Variants in ADCY9 observed in about 807,000 individuals in gnomAD.
ADCY9 encodes adenylate cyclase type 9.
In ADCY9, 50 loss-of-function variants were observed where a neutral mutation model predicts 101.5. That is an observed-to-expected ratio of 0.49 (90% confidence interval 0.39 to 0.62). The LOEUF is 0.62. ADCY9 is among the 20% of genes least tolerant of loss of function. The probability of loss-of-function intolerance (pLI) is 0.00; values close to 1 mark genes in which losing one functional copy is unlikely to be tolerated. For synonymous variants in ADCY9, 905 were observed against 769.3 expected (o/e 1.18, Z -2.92); for missense variants, 1,662 against 1,800.4 (o/e 0.92, Z 1.39).
intron 2 of ADCY9, among the ~76,000 whole-genome samples, chr16:4,047,884 T>A (rs542557259): frequency 1.3e-5 from 2 of 152,266 alleles, no homozygotes; most frequent in South Asian, 4.1e-4. Context: ...CTCATTGCAG[T>A]CCCTAACTTG....
chr16:4,047,685 C>T (rs530809206), intron 2 of ADCY9, among the ~76,000 whole-genome samples: 203 of 152,274 alleles, frequency 1.3e-3, no homozygotes, highest in African/African-American at 4.6e-3. Context: ...CAATCAGGTC[C>T]TTTGGTTGAA....
chr16:4,100,965 G>T (rs1422064395), intron 2 of ADCY9, among the ~76,000 whole-genome samples: 1 of 152,134 alleles, frequency 6.6e-6, no homozygotes, highest in African/African-American at 2.4e-5. Flanking sequence ...TGCTGCCACT[G>T]CTAAGAAAAT....
chr16:4,036,462 G>GTTTTTTTTTT (rs59816813), intron 2 of ADCY9, among the ~76,000 whole-genome samples: 29 of 103,674 alleles, frequency 2.8e-4, no homozygotes, highest in Non-Finnish European at 3.4e-4. Flanking sequence ...GGGTTTGTTT[G>GTTTTTTTTTT]TTTTTTTTTT....
At chr16:4,106,088 C>T (rs1313029426) in intron 2 of ADCY9, among the ~76,000 whole-genome samples, 1 of 152,210 alleles carries the variant, frequency 6.6e-6, no homozygotes, top group African/African-American at 2.4e-5. Context: ...AGCCTTCCCA[C>T]TTAACTCCGC....
Position 4,115,570 on chromosome 16 carries a change from G to A in ADCY9, c.-43-85C>T. Reference sequence around the variant, plus strand: ...CCGGGACCTGCTCCTGTCCTAAGGGGCGGCTCCAGCACGCGACCTGGACAG... The same window carrying A: ...CCGGGACCTGCTCCTGTCCTAAGGGACGGCTCCAGCACGCGACCTGGACAG... On this transcript the variant is annotated intron_variant, in intron 1 of 10. Transcript: ENST00000294016. This position sits in a 1 kb window ranked among gnomAD's most constrained non-coding sequence, Gnocchi z 6.2. 1.7e-6 allele frequency: 2 copies of A among 1,200,130 alleles called. No individual in the cohort carries two copies. The highest frequency in any genetic ancestry group is 2.3e-6 in the Non-Finnish European group (2 of 885,922). 74.3% of individuals were successfully genotyped at this position (1,200,130 alleles called of 1,614,324 possible). A position where few individuals can be genotyped will look rare whatever the true frequency, so the allele number is the denominator to read the frequency against.
At chr16:4,113,682 C>CTTTTTTTT in intron 2 of ADCY9, 68 bp downstream of exon 2, 4 of 1,349,088 alleles carry the variant, frequency 3.0e-6, no homozygotes, top group Admixed American at 2.4e-5. Context: ...AGGCTGGAAG[C>CTTTTTTTT]TTTTTTTTTT....
At chr16:4,036,048 C>T (rs541444902) in intron 2 of ADCY9, among the ~76,000 whole-genome samples, 2 of 149,666 alleles carry the variant, frequency 1.3e-5, no homozygotes, top group Non-Finnish European at 3.0e-5. Context: ...CCCCAGCCCC[C>T]CTCCCTTCAC....
At chr16:3,987,143 G>T (rs998018060) in intron 6 of ADCY9, among the ~76,000 whole-genome samples, 1 of 152,220 alleles carries the variant, frequency 6.6e-6, no homozygotes, top group African/African-American at 2.4e-5. Flanking sequence ...CACTGAGGCA[G>T]GCTCAGGAGT....
intron 2 of ADCY9, among the ~76,000 whole-genome samples, chr16:4,049,382 C>A (rs989419505): frequency 6.6e-6 from 1 of 152,132 alleles, no homozygotes; most frequent in Non-Finnish European, 1.5e-5. Flanking sequence ...CACAGGCACC[C>A]ACCACCGACA....
At chr16:4,066,348 T>C (rs1418642130) in intron 2 of ADCY9, among the ~76,000 whole-genome samples, 3 of 152,220 alleles carry the variant, frequency 2.0e-5, no homozygotes, top group Non-Finnish European at 4.4e-5. Flanking sequence ...ATATTTACTT[T>C]TCTCTCTCCT....
chr16:4,018,718 T>C (rs2056454848), intron 2 of ADCY9, among the ~76,000 whole-genome samples: 1 of 151,958 alleles, frequency 6.6e-6, no homozygotes. Flanking sequence ...TTTTGAAGAG[T>C]ATTTTGCACA....
chr16:4,001,477 C>G (rs2056330235), intron 3 of ADCY9, among the ~76,000 whole-genome samples: 1 of 152,190 alleles, frequency 6.6e-6, no homozygotes, highest in South Asian at 2.1e-4. Context: ...AGCAGGGAGG[C>G]TCACCTGGAT....
intron 2 of ADCY9, among the ~76,000 whole-genome samples, chr16:4,017,857 A>G (rs1010660156): frequency 3.3e-5 from 5 of 152,182 alleles, no homozygotes; most frequent in African/African-American, 1.2e-4. Flanking sequence ...TTGTAGTCCA[A>G]CCTAAAAACG....
At chr16:4,105,434 G>A (rs1215048321) in intron 2 of ADCY9, among the ~76,000 whole-genome samples, 2 of 151,840 alleles carry the variant, frequency 1.3e-5, no homozygotes, top group East Asian at 3.9e-4. Flanking sequence ...CACTTTGAGA[G>A]GCTGAGGCGG....
In ADCY9 at chr16:3,966,920, G is replaced by A. The variant is rs200825289; in HGVS notation, c.2917C>T (p.Arg973Trp). 3 of 1,613,838 alleles carry A rather than the reference G, an allele frequency of 1.9e-6. No individual in the cohort carries two copies. Among genetic ancestry groups the A allele is most frequent in the East Asian group, 4.5e-5 (2 of 44,888 alleles). ...TCCTGGCCGATGAGGCTGGCGGGCC[G>A]CCGGAGGTCACGCGGCACCGAACTA... Reference protein sequence around the residue: ...CNSSVPRDLRRPASLIGQEVV... With the variant: ...CNSSVPRDLRWPASLIGQEVV... The change falls in exon 11 of 11, where the codon CGG (arginine) becomes TGG (tryptophan). Residue 973 changes from arginine to tryptophan, a missense_variant. Arg to Trp is a moderately radical substitution (Grantham distance 101, BLOSUM62 -3). This residue lies in a region of ADCY9 where 624 missense variants were observed against 639.1 expected (regional missense o/e 0.98). Transcript: ENST00000294016.
At chr16:4,074,120 A>C (rs1010066627) in intron 2 of ADCY9, among the ~76,000 whole-genome samples, 1 of 152,098 alleles carries the variant, frequency 6.6e-6, no homozygotes, top group Admixed American at 6.6e-5. Context: ...TTGCTCTAAA[A>C]GGTAATTTTC....
intron 5 of ADCY9, among the ~76,000 whole-genome samples, chr16:3,990,930 G>T (rs535323046): frequency 6.6e-6 from 1 of 152,332 alleles, no homozygotes; most frequent in South Asian, 2.1e-4. Context: ...CTCCTGAGTA[G>T]CTGGGATGAC....
chr16:4,100,922 A>C (rs955671028), intron 2 of ADCY9, among the ~76,000 whole-genome samples: 1 of 152,324 alleles, frequency 6.6e-6, no homozygotes, highest in Non-Finnish European at 1.5e-5. Context: ...GTAAATGCAG[A>C]GAGCTAAAGA....
intron 6 of ADCY9, among the ~76,000 whole-genome samples, chr16:3,984,370 G>T (rs1321963674): frequency 6.6e-6 from 1 of 152,300 alleles, no homozygotes; most frequent in South Asian, 2.1e-4. Flanking sequence ...TGTGCTGGGG[G>T]CCAGTACACT....
Sources: allele counts gnomAD v4.1 joint callset (sites outside exome capture counted in the v4.1 genomes callset), GRCh38; gene constraint gnomAD v4.1.1; regional missense constraint gnomAD v4.1.1; non-coding constraint Gnocchi (gnomAD v3.1); transcripts MANE v1.5; gene names NCBI Gene and HGNC (gene_info 2026-07-23, HGNC 2026-07-21).